TANGO6: variants seen among roughly 807,000 people sequenced by gnomAD.
TANGO6 encodes transport and Golgi organization protein 6 homolog.
TANGO6 carries 90 observed loss-of-function variants against 114.2 expected under a neutral mutation model. The ratio of observed to expected loss-of-function variants is 0.79; its 90% CI spans 0.66 to 0.94. TANGO6 has a LOEUF of 0.94. Ranked by LOEUF, TANGO6 falls within the 40% of genes least tolerant of loss-of-function variation. The pLI, the probability that TANGO6 is intolerant of heterozygous loss-of-function variation, is 0.00. For missense variants in TANGO6, 1,274 were observed against 1,315.3 expected, an observed-to-expected ratio of 0.97 and a Z score of 0.49; for synonymous variants, 477 against 509.8, an observed-to-expected ratio of 0.94 and a Z score of 0.87.
intron 17 of TANGO6, among the ~76,000 whole-genome samples, chr16:69,076,354 A>C (rs567968927): frequency 6.6e-6 from 1 of 151,498 alleles, no homozygotes; most frequent in East Asian, 2.0e-4. Flanking sequence ...GGCCTCCCAA[A>C]ATGCTAGGAT....
At chr16:68,862,554 C>T (rs573929160) in intron 2 of TANGO6, among the ~76,000 whole-genome samples, 5 of 152,270 alleles carry the variant, frequency 3.3e-5, no homozygotes, top group East Asian at 3.9e-4. Context: ...CATTTTAAGG[C>T]GCACTGGAAA....
chr16:68,931,517 A>G (rs1178712753), intron 14 of TANGO6, among the ~76,000 whole-genome samples: 1 of 152,238 alleles, frequency 6.6e-6, no homozygotes, highest in Admixed American at 6.5e-5. Context: ...CCATCAGTTG[A>G]TGAATGGATA....
At chr16:69,072,024 A>G (rs1645315466) in intron 17 of TANGO6, among the ~76,000 whole-genome samples, 1 of 85,012 alleles carries the variant, frequency 1.2e-5, no homozygotes, top group Non-Finnish European at 2.3e-5. Flanking sequence ...AGAGAGGGAG[A>G]CCGTGTGTGT....
At chr16:68,861,829 G>A (rs1962096742) in intron 2 of TANGO6, among the ~76,000 whole-genome samples, 1 of 152,112 alleles carries the variant, frequency 6.6e-6, no homozygotes, top group Non-Finnish European at 1.5e-5. Context: ...ACCCTGAGCA[G>A]TAATCACCAA....
chr16:68,879,227 T>A (rs963181871), intron 6 of TANGO6, among the ~76,000 whole-genome samples: 1 of 151,638 alleles, frequency 6.6e-6, no homozygotes, highest in Non-Finnish European at 1.5e-5. Flanking sequence ...TGCTTCAGCC[T>A]CCCAAAGTGC....
intron 14 of TANGO6, among the ~76,000 whole-genome samples, chr16:68,971,890 C>T (rs1178680032): frequency 1.3e-5 from 2 of 152,270 alleles, no homozygotes; most frequent in Non-Finnish European, 2.9e-5. Context: ...ACCTCGGCCT[C>T]CCAAAATGTT....
intron 15 of TANGO6, among the ~76,000 whole-genome samples, chr16:69,022,178 G>A (rs896676839): frequency 6.6e-6 from 1 of 151,874 alleles, no homozygotes; most frequent in Non-Finnish European, 1.5e-5. Flanking sequence ...GAGCCACCGC[G>A]CCTGGCCGTG....
At chr16:69,072,108 A>G (rs1960305808) in intron 17 of TANGO6, among the ~76,000 whole-genome samples, 3 of 126,622 alleles carry the variant, frequency 2.4e-5, no homozygotes, top group African/African-American at 3.3e-5. Flanking sequence ...GTATGTGTGA[A>G]GAGAGAGGGA....
chr16:68,938,888 G>A (rs1209987612), intron 14 of TANGO6, among the ~76,000 whole-genome samples: 2 of 151,550 alleles, frequency 1.3e-5, no homozygotes, highest in Non-Finnish European at 2.9e-5. Context: ...GGGAGAGCTG[G>A]CATTATAAAG....
At chr16:68,916,104 G>A (rs1303301553) in intron 11 of TANGO6, among the ~76,000 whole-genome samples, 1 of 152,098 alleles carries the variant, frequency 6.6e-6, no homozygotes, top group African/African-American at 2.4e-5. Context: ...TTAGCCAAAT[G>A]CTATATAAAA....
At chr16:68,900,919 G>A (rs1962774419) in intron 8 of TANGO6, among the ~76,000 whole-genome samples, 1 of 152,200 alleles carries the variant, frequency 6.6e-6, no homozygotes, top group Non-Finnish European at 1.5e-5. Context: ...AACACATTTG[G>A]GAAATCTAGA....
intron 15 of TANGO6, among the ~76,000 whole-genome samples, chr16:69,009,086 T>TC (rs931235922): frequency 4.3e-5 from 6 of 141,122 alleles, no homozygotes; most frequent in African/African-American, 1.3e-4. Flanking sequence ...TTTTTTTTTT[T>TC]TTTTTTTTTT....
At chr16:69,072,089 TGTGTGTGTGTATGTGTGA>T (rs1960304870) in intron 17 of TANGO6, among the ~76,000 whole-genome samples, 1 of 143,284 alleles carries the variant, frequency 7.0e-6, no homozygotes, top group African/African-American at 2.6e-5. Context: ...AGACCGTGTG[TGTGTGTGTGTATGTGTGA>T]AGAGAGAGGG....
chr16:68,980,383 T>TTATCTCTCTCTCTCTCTCTCTCTCTC (rs1555526455), intron 15 of TANGO6, among the ~76,000 whole-genome samples: 1 of 36,862 alleles, frequency 2.7e-5, no homozygotes, highest in Admixed American at 3.4e-4. Flanking sequence ...CTGTCTGTCA[T>TTATCTCTCTCTCTCTCTCTCTCTCTC]TCTCTCTCTC....
intron 14 of TANGO6, among the ~76,000 whole-genome samples, chr16:68,950,781 C>A (rs986903184): frequency 6.6e-6 from 1 of 151,958 alleles, no homozygotes; most frequent in Non-Finnish European, 1.5e-5. Context: ...ATCGCTTGAG[C>A]CTGGGAGGCG....
At chr16:68,973,964 A>G (rs1447449309) in intron 14 of TANGO6, 64 bp from the exon 15 acceptor site, 1 of 1,535,120 alleles carries the variant, frequency 6.5e-7, no homozygotes, top group Non-Finnish European at 8.8e-7. Flanking sequence ...TCACAGGGTG[A>G]CTGGTTTATT....
At chr16:69,007,339 G>A (rs1260800252) in intron 15 of TANGO6, among the ~76,000 whole-genome samples, 3 of 144,920 alleles carry the variant, frequency 2.1e-5, no homozygotes, top group Admixed American at 1.4e-4. Flanking sequence ...GCACGATCTC[G>A]GCTCACTGCA....
intron 17 of TANGO6, among the ~76,000 whole-genome samples, chr16:69,043,499 C>T (rs942270090): frequency 2.6e-5 from 4 of 152,084 alleles, no homozygotes; most frequent in African/African-American, 9.7e-5. Context: ...GAAAAACCTC[C>T]GCCTGTTCTC....
At chr16:68,857,555 A>G (rs1037103239) in intron 1 of TANGO6, among the ~76,000 whole-genome samples, 3 of 152,134 alleles carry the variant, frequency 2.0e-5, no homozygotes, top group Non-Finnish European at 2.9e-5. Flanking sequence ...CAGGAGCACA[A>G]TTGCTGGATC....
Sources: allele counts gnomAD v4.1 joint callset (sites outside exome capture counted in the v4.1 genomes callset), GRCh38; gene constraint gnomAD v4.1.1; transcripts MANE v1.5; gene names NCBI Gene and HGNC (gene_info 2026-07-23, HGNC 2026-07-21).